TRAM1: variants seen among roughly 807,000 people sequenced by gnomAD.
TRAM1 encodes the protein translocation associated membrane protein 1.
A neutral mutation model predicts 48.7 loss-of-function variants in TRAM1; 17 were observed. The observed-to-expected ratio is 0.35, with a 90% CI of 0.24 to 0.52. TRAM1 has a LOEUF of 0.52. Among genes scored for constraint, TRAM1 ranks in the 20% least tolerant of loss-of-function variants. TRAM1 has a pLI of 0.94. For synonymous variants in TRAM1, 182 were observed against 154.0 expected (o/e 1.18, Z -1.34); for missense variants, 351 against 441.5 (o/e 0.79, Z 1.84).
chr8:70,599,401 C>G (rs1817558720), intron 2 of TRAM1, among the ~76,000 whole-genome samples: 1 of 152,186 alleles, frequency 6.6e-6, no homozygotes, highest in African/African-American at 2.4e-5. Flanking sequence ...ATCCCTCACC[C>G]ATGCTAGTTA....
In TRAM1 at chr8:70,594,505, C is replaced by CT; in HGVS notation, c.570dup (p.Glu191ArgfsTer40). 6.3e-7 allele frequency: 1 copy of CT among 1,586,874 alleles called. No homozygotes were observed. The highest frequency in any genetic ancestry group is 1.8e-5 in the Admixed American group (1 of 54,714). On this transcript the variant is annotated frameshift_variant and splice_region_variant. Coordinates refer to ENST00000262213, the MANE Select transcript of TRAM1 (RefSeq NM_014294.6). LOFTEE classifies it high-confidence loss of function. ...TTTAACACTACAAAATCCCAGCTTA[C>CT]TTTTTTGGTTTTCTGGAAGTAGAGT...
chr8:70,606,916 A>C, intron 1 of TRAM1: 1 of 984,758 alleles, frequency 1.0e-6, no homozygotes, highest in Non-Finnish European at 1.2e-6. Context: ...AGGTTTTCTC[A>C]AGGATTCTTA....
intron 6 of TRAM1, among the ~76,000 whole-genome samples, chr8:70,593,446 T>C (rs1817411069): frequency 6.6e-6 from 1 of 150,434 alleles, no homozygotes; most frequent in Non-Finnish European, 1.5e-5. Context: ...TGTAAACATA[T>C]ACACAACAGA....
intron 4 of TRAM1, among the ~76,000 whole-genome samples, 185 bp from the exon 5 acceptor site, chr8:70,596,506 T>C (rs1474693908): frequency 6.6e-6 from 1 of 152,094 alleles, no homozygotes; most frequent in African/African-American, 2.4e-5. Flanking sequence ...TTGAGCAAAA[T>C]GAAAATCAAT....
chr8:70,588,124 G>A (rs991561382), intron 6 of TRAM1, among the ~76,000 whole-genome samples: 3 of 152,090 alleles, frequency 2.0e-5, no homozygotes, highest in African/African-American at 4.8e-5. Context: ...AGACACAGGA[G>A]GAGCATCACT....
chr8:70,604,298 G>A (rs1453776084), intron 1 of TRAM1, among the ~76,000 whole-genome samples: 1 of 152,176 alleles, frequency 6.6e-6, no homozygotes. Flanking sequence ...GTTATATAGA[G>A]ATGTTAACTA....
rs528178269 is a variant in TRAM1 at position 70,578,259 on chromosome 8, C to G, written c.1052-3254G>C. 6.6e-5 allele frequency among the ~76,000 whole-genome samples: 10 copies of G among 152,278 alleles called. No individual in the cohort carries two copies. In the South Asian group the frequency reaches 2.1e-3, roughly 32 times the overall value. ...CAAGTACTGGGACTACAGGCATGCA[C>G]CACGATGCCTGGTTCATTTTTGTAT... On this transcript the variant is annotated intron_variant, in intron 10 of 10. Transcript: ENST00000262213.
At chr8:70,599,951 T>C in intron 2 of TRAM1, 68 bp downstream of exon 2, 2 of 1,268,688 alleles carry the variant, frequency 1.6e-6, no homozygotes, top group Non-Finnish European at 2.3e-6. Flanking sequence ...CTAGCATTCA[T>C]GAAAATTTCC....
At chr8:70,607,813 A>G (rs1458536845) in intron 1 of TRAM1, 2 of 277,892 alleles carry the variant, frequency 7.2e-6, no homozygotes, top group Admixed American at 5.4e-5. Context: ...GCGGCGGGTC[A>G]GGAAGGGGGC....
At chr8:70,585,183 C>T (rs1817183481) in intron 8 of TRAM1, among the ~76,000 whole-genome samples, 1 of 152,272 alleles carries the variant, frequency 6.6e-6, no homozygotes, top group East Asian at 1.9e-4. Flanking sequence ...GGAAAGGATT[C>T]CCTATTTAAT....
chr8:70,588,340 C>A (rs1319344302), intron 6 of TRAM1, among the ~76,000 whole-genome samples: 8 of 152,148 alleles, frequency 5.3e-5, no homozygotes, highest in Non-Finnish European at 1.5e-5. Context: ...CATCCCAGCA[C>A]TTTGGGAGGC....
chr8:70,587,313 A>G (rs1325891531), intron 6 of TRAM1, 137 bp from the exon 7 acceptor site: 10 of 750,622 alleles, frequency 1.3e-5, no homozygotes, highest in Non-Finnish European at 2.2e-5. Context: ...TTGGCCTTCC[A>G]AAGGGTTAGG....
chr8:70,574,701 G>T lies in TRAM1; in HGVS notation c.*231C>A. 1.1e-5 allele frequency: 4 copies of T among 369,128 alleles called. No individual in the cohort carries two copies. The South Asian group carries it at 1.5e-4, about 13-fold the overall frequency. 22.9% of individuals were successfully genotyped at this position (369,128 alleles called of 1,614,324 possible). On this transcript the variant is annotated 3_prime_UTR_variant, in exon 11 of 11. Transcript: ENST00000262213. ...TAAAAACAAAATAAAATATGGTGGT[G>T]GTCCCTAAACTATTTTGAAGGCAGG... is the stretch of plus-strand genomic sequence containing the variant.
intron 8 of TRAM1, among the ~76,000 whole-genome samples, chr8:70,585,796 G>A (rs1817203483): frequency 9.5e-6 from 1 of 104,920 alleles, no homozygotes; most frequent in Admixed American, 8.8e-5. Context: ...AGGATGTGGA[G>A]AAATAGGAAC....
Position 70,596,819 on chromosome 8 carries a change from T to TAA in TRAM1, c.427-500_427-499dup, listed in dbSNP as rs34126420. ...TACTCAGTGAGAATTACTGCATATGTAAAAAAAAAAAAAAAAAGATTAAAA... is the reference window on the plus strand; with the variant it reads ...TACTCAGTGAGAATTACTGCATATGTAAAAAAAAAAAAAAAAAAAGATTAAAA... On this transcript the variant is annotated intron_variant, in intron 4 of 10. Transcript: ENST00000262213. 4.0e-3 allele frequency among the ~76,000 whole-genome samples: 486 copies of TAA among 122,478 alleles called. 3 individuals carry two copies. The highest frequency in any genetic ancestry group is 0.012 in the African/African-American group (413 of 33,510). 80.4% of individuals were successfully genotyped at this position (122,478 alleles called of 152,430 possible). A position where few individuals can be genotyped will look rare whatever the true frequency, so the allele number is the denominator to read the frequency against.
chr8:70,585,601 A>T (rs1817195714), intron 8 of TRAM1, among the ~76,000 whole-genome samples: 2 of 129,068 alleles, frequency 1.5e-5, no homozygotes, highest in Non-Finnish European at 3.4e-5. Flanking sequence ...CCCATCAACA[A>T]GTGGGCAAAG....
intron 3 of TRAM1, 45 bp from the exon 4 acceptor site, chr8:70,598,056 T>C (rs375608279): frequency 1.4e-5 from 21 of 1,523,312 alleles, no homozygotes; most frequent in Non-Finnish European, 1.6e-5. Context: ...AAATTATAAA[T>C]TATATTTAAT....
intron 1 of TRAM1, among the ~76,000 whole-genome samples, chr8:70,602,396 T>G (rs758674842): frequency 2.0e-5 from 3 of 152,034 alleles, no homozygotes; most frequent in African/African-American, 7.2e-5. Flanking sequence ...AGGGAGAAGT[T>G]AAACACACAG....
intron 2 of TRAM1, 94 bp downstream of exon 2, chr8:70,599,925 T>A (rs1462730672): frequency 2.2e-6 from 2 of 889,866 alleles, no homozygotes; most frequent in Non-Finnish European, 3.7e-6. Flanking sequence ...TCTCTGACGA[T>A]TAATTAACGC....
Sources: allele counts gnomAD v4.1 joint callset (sites outside exome capture counted in the v4.1 genomes callset), GRCh38; gene constraint gnomAD v4.1.1; transcripts MANE v1.5; gene names NCBI Gene and HGNC (gene_info 2026-07-23, HGNC 2026-07-21).